CADM2: variants seen among roughly 807,000 people sequenced by gnomAD.
CADM2 encodes the protein immunoglobulin superfamily member 4D.
CADM2 carries 12 observed loss-of-function variants against 49.8 expected under a neutral mutation model. That is an observed-to-expected ratio of 0.24 (90% confidence interval 0.15 to 0.39). The LOEUF (loss-of-function observed/expected upper bound fraction) is 0.39. Among genes scored for constraint, CADM2 ranks in the 10% least tolerant of loss-of-function variants. The pLI is 1.00. For synonymous variants in CADM2, 214 were observed against 175.4 expected, an observed-to-expected ratio of 1.22 and a Z score of -1.74; for missense variants, 378 against 492.3, an observed-to-expected ratio of 0.77 and a Z score of 2.20.
chr3:86,056,250 T>C (rs986535442), intron 8 of CADM2, among the ~76,000 whole-genome samples: 21 of 152,184 alleles, frequency 1.4e-4, no homozygotes, highest in African/African-American at 5.1e-4. Context: ...GAGTACTCTC[T>C]GGAGTTGTTC....
intron 1 of CADM2, among the ~76,000 whole-genome samples, chr3:85,157,364 A>G (rs1203662906): frequency 6.6e-6 from 1 of 151,572 alleles, no homozygotes; most frequent in African/African-American, 2.4e-5. Flanking sequence ...GGAACCAAAA[A>G]AGAGCCCGCA....
intron 1 of CADM2, among the ~76,000 whole-genome samples, chr3:85,160,408 C>T (rs1342528678): frequency 2.6e-5 from 4 of 152,226 alleles, no homozygotes; most frequent in Non-Finnish European, 5.9e-5. Flanking sequence ...GGAAATAGCT[C>T]TTAACTTTTC....
intron 1 of CADM2, among the ~76,000 whole-genome samples, chr3:85,381,274 GT>G (rs2033888507): frequency 6.8e-6 from 1 of 147,976 alleles, no homozygotes; most frequent in Non-Finnish European, 1.5e-5. Flanking sequence ...TTATTCTTAT[GT>G]TTTCTGCTGG....
intron 3 of CADM2, among the ~76,000 whole-genome samples, chr3:85,833,947 A>T (rs927741812): frequency 2.0e-5 from 3 of 151,580 alleles, no homozygotes; most frequent in African/African-American, 7.3e-5. Context: ...GATGGCTTTG[A>T]GTAGTATGAA....
chr3:85,704,811 T>C (rs2066887613), intron 1 of CADM2, among the ~76,000 whole-genome samples: 1 of 151,828 alleles, frequency 6.6e-6, no homozygotes, highest in Admixed American at 6.6e-5. Flanking sequence ...CCAGAATATA[T>C]TGAATAGGGC....
intron 1 of CADM2, among the ~76,000 whole-genome samples, chr3:85,611,269 G>A (rs2063676070): frequency 6.6e-6 from 1 of 150,966 alleles, no homozygotes. Context: ...TTCTGTGAAA[G>A]CATACATTTT....
chr3:85,187,637 T>A (rs899015999), intron 1 of CADM2, among the ~76,000 whole-genome samples: 2 of 152,216 alleles, frequency 1.3e-5, no homozygotes, highest in African/African-American at 4.8e-5. Flanking sequence ...ATAAAGAGAT[T>A]ATTTTCTTGC....
chr3:85,838,394 G>A (rs1474485406), intron 3 of CADM2, among the ~76,000 whole-genome samples: 1 of 151,810 alleles, frequency 6.6e-6, no homozygotes, highest in East Asian at 1.9e-4. Flanking sequence ...AGAGCTTGAA[G>A]CCGAGATTGG....
intron 1 of CADM2, among the ~76,000 whole-genome samples, chr3:85,541,729 TA>T (rs1169229504): frequency 0.034 from 4,275 of 126,954 alleles, 407 homozygotes; most frequent in African/African-American, 0.1. Flanking sequence ...TATATATATA[TA>T]TTTTATATAT....
intron 5 of CADM2, among the ~76,000 whole-genome samples, chr3:85,894,358 A>T (rs1341082946): frequency 6.6e-6 from 1 of 152,134 alleles, no homozygotes; most frequent in Non-Finnish European, 1.5e-5. Context: ...GGGTAGGGGA[A>T]GTGGGGAGGG....
chr3:85,701,976 ATAGATAGATAGATAGATAGATAG>A (rs2066785242), intron 1 of CADM2, among the ~76,000 whole-genome samples: 2 of 70,192 alleles, frequency 2.8e-5, no homozygotes, highest in African/African-American at 7.0e-5. Context: ...ATAGACATAG[ATAGATAGATAGATAGATAGATAG>A]ATAGATAGAT....
intron 1 of CADM2, among the ~76,000 whole-genome samples, chr3:85,387,363 T>C (rs1226612730): frequency 2.0e-5 from 3 of 152,228 alleles, no homozygotes; most frequent in African/African-American, 7.2e-5. Flanking sequence ...TCATTAATTC[T>C]GTTAAATTGT....
intron 1 of CADM2, among the ~76,000 whole-genome samples, chr3:85,410,326 G>A (rs2035596962): frequency 6.6e-6 from 1 of 152,084 alleles, no homozygotes; most frequent in African/African-American, 2.4e-5. Context: ...TGTTCCTCTA[G>A]CATTAGGGAG....
chr3:85,042,354 T>C (rs1452407559), intron 1 of CADM2, among the ~76,000 whole-genome samples: 1 of 152,206 alleles, frequency 6.6e-6, no homozygotes. Context: ...GTTTTATGTT[T>C]TAGACGGGGG....
At chr3:85,634,719 C>T (rs1000856469) in intron 1 of CADM2, among the ~76,000 whole-genome samples, 1 of 151,974 alleles carries the variant, frequency 6.6e-6, no homozygotes, top group Non-Finnish European at 1.5e-5. Flanking sequence ...TCAATGTGTA[C>T]TTGACTCTTT....
chr3:85,705,069 G>A (rs1408309992), intron 1 of CADM2, among the ~76,000 whole-genome samples: 1 of 146,474 alleles, frequency 6.8e-6, no homozygotes, highest in East Asian at 2.0e-4. Context: ...GGTTTTGCCT[G>A]GTTAGCCTGG....
intron 1 of CADM2, among the ~76,000 whole-genome samples, chr3:85,546,439 C>T (rs1330995568): frequency 1.3e-5 from 2 of 152,130 alleles, no homozygotes; most frequent in African/African-American, 2.4e-5. Context: ...GGAGGCTTTT[C>T]AGCCTTCTTT....
intron 1 of CADM2, among the ~76,000 whole-genome samples, chr3:85,008,579 G>A (rs1313243134): frequency 2.0e-5 from 3 of 151,850 alleles, no homozygotes; most frequent in Non-Finnish European, 4.4e-5. Context: ...TAGGGAAGTA[G>A]GAACGGAGAA....
chr3:86,030,741 A>G (rs192431352), intron 8 of CADM2, among the ~76,000 whole-genome samples: 50 of 152,074 alleles, frequency 3.3e-4, no homozygotes, highest in Non-Finnish European at 5.6e-4. Context: ...ATCTAGCACA[A>G]GGTCTTGTAC....
Sources: allele counts gnomAD v4.1 joint callset (sites outside exome capture counted in the v4.1 genomes callset), GRCh38; gene constraint gnomAD v4.1.1; transcripts MANE v1.5; gene names NCBI Gene and HGNC (gene_info 2026-07-23, HGNC 2026-07-21).